The following CYP27C1 variants were observed in gnomAD, a reference collection of about 807,000 sequenced individuals.
CYP27C1 encodes cytochrome P450 family 27 subfamily C member 1.
CYP27C1 carries 29 observed loss-of-function variants against 40.6 expected under a neutral mutation model. The observed-to-expected ratio is 0.71, with a 90% confidence interval of 0.53 to 0.97. The LOEUF (loss-of-function observed/expected upper bound fraction) is 0.97. Among genes scored for constraint, CYP27C1 ranks in the 50% least tolerant of loss-of-function variants. CYP27C1 has a pLI of 0.00. For synonymous variants in CYP27C1, 198 were observed against 186.8 expected, an observed-to-expected ratio of 1.06 and a Z score of -0.49; for missense variants, 390 against 485.8, an observed-to-expected ratio of 0.80 and a Z score of 1.85.
chr2:127,192,325 C>T (rs567716321), intron 8 of CYP27C1, among the ~76,000 whole-genome samples: 11 of 152,296 alleles, frequency 7.2e-5, no homozygotes, highest in South Asian at 2.1e-4. Flanking sequence ...CAAGGTTTCC[C>T]GTCGCTGAAA....
At chr2:127,202,745 T>TC (rs2104688062) in intron 3 of CYP27C1, among the ~76,000 whole-genome samples, 1 of 141,906 alleles carries the variant, frequency 7.0e-6, no homozygotes, top group South Asian at 2.1e-4. Flanking sequence ...AACAAAATGT[T>TC]TTTTTTTTTT....
Position 127,203,437 on chromosome 2 carries a change from C to T in CYP27C1, c.608G>A (p.Ser203Asn). 6.2e-7 allele frequency: 1 copy of T among 1,614,000 alleles called. No individual in the cohort carries two copies. The highest frequency in any genetic ancestry group is 8.5e-7 in the Non-Finnish European group (1 of 1,180,018). Residue 203 changes from serine (S) to asparagine (N), a missense_variant, in exon 3 of 9, where the codon AGC (serine) becomes AAC (asparagine). By Grantham distance (46) the Ser-to-Asn change is conservative (BLOSUM62 1). Coordinates refer to ENST00000664447, the MANE Select transcript of CYP27C1 (RefSeq NM_001367502.1). ...CACGGTTTCTCCATCTTCTGCCTGG[C>T]TCCTGAGGAGGTAGATTCTTTTAAT... is the stretch of plus-strand genomic sequence containing the variant. Reference protein sequence around the residue: ...DLIKRIYLLRSQAEDGETVTN... With the variant: ...DLIKRIYLLRNQAEDGETVTN...
At position 127,193,305 on chromosome 2, in the gene CYP27C1, A is replaced by T. The variant is rs772549986; in HGVS notation, c.1294-8T>A. 1 of 1,614,118 alleles carries T rather than the reference A, an allele frequency of 6.2e-7. No homozygotes were observed. ...GCAAAGGGCCAGCTGGGTCTGAGGA[A>T]ATCAGGGATGACAGAAAAGGGAAAA... On this transcript the variant is annotated splice_polypyrimidine_tract_variant and splice_region_variant and intron_variant, in intron 7 of 8. Transcript: ENST00000664447.
intron 8 of CYP27C1, among the ~76,000 whole-genome samples, chr2:127,189,839 A>G (rs1682724607): frequency 6.6e-6 from 1 of 152,192 alleles, no homozygotes. Context: ...TCCGTTTTAT[A>G]CATTCAGCCT....
intron 1 of CYP27C1, among the ~76,000 whole-genome samples, chr2:127,211,414 G>T (rs1181345937): frequency 1.6e-5 from 2 of 125,148 alleles, no homozygotes; most frequent in Admixed American, 1.9e-4. Flanking sequence ...ATGGAGTCTC[G>T]CTCTTTCACC....
Position 127,218,651 on chromosome 2 carries a change from T to C in CYP27C1, c.282+1338A>G, listed in dbSNP as rs1683489349. On this transcript the variant is annotated intron_variant, in intron 1 of 8. Transcript: ENST00000664447. The surrounding 1 kb of genome is among the most constrained non-coding windows in gnomAD (Gnocchi z 6.0). ...TCACGTTCATTGACTGAATGGCTGA[T>C]GGAACGAATGAATGACTGAAGCCCA... Among the ~76,000 whole-genome samples, 1 of 152,114 alleles carries C rather than the reference T, an allele frequency of 6.6e-6. No individual in the cohort carries two copies. The highest frequency in any genetic ancestry group is 6.6e-5 in the Admixed American group (1 of 15,258).
intron 5 of CYP27C1, 58 bp downstream of exon 5, chr2:127,199,318 G>A (rs576557952): frequency 5.5e-5 from 87 of 1,586,338 alleles, no homozygotes; most frequent in Non-Finnish European, 7.1e-5. Context: ...ACGTCCATGA[G>A]GTGATGAGGA....
chr2:127,195,073 G>A lies in CYP27C1; in HGVS notation c.1214+262C>T, dbSNP rs1200595747. ...TTGAACTCCTGACCTCAGGTAATCT[G>A]CCTTGGCCTCCCAAAGTGCTGGGAT... On this transcript the variant is annotated intron_variant, in intron 6 of 8. Transcript: ENST00000664447. This position sits in a 1 kb window ranked among gnomAD's most constrained non-coding sequence, Gnocchi z 6.2. 1.3e-5 allele frequency among the ~76,000 whole-genome samples: 2 copies of A among 152,074 alleles called. No individual in the cohort carries two copies. The highest frequency in any genetic ancestry group is 2.9e-5 in the Non-Finnish European group (2 of 68,010).
Position 127,218,068 on chromosome 2 carries a change from T to TA in CYP27C1, c.282+1920_282+1921insT, listed in dbSNP as rs1305208245. 6.6e-6 allele frequency among the ~76,000 whole-genome samples: 1 copy of TA among 152,188 alleles called. No homozygotes were observed. Among genetic ancestry groups the TA allele is most frequent in the African/African-American group, 2.4e-5 (1 of 41,444 alleles). On this transcript the variant is annotated intron_variant, in intron 1 of 8. Coordinates refer to ENST00000664447, the MANE Select transcript of CYP27C1 (RefSeq NM_001367502.1). The surrounding 1 kb of genome is among the most constrained non-coding windows in gnomAD (Gnocchi z 6.0). ...AGCAAGTGAGTCAGTTGTGACTCTC[T>TA]GCTCCGTGCCCCAGGGCCCTGGGTG...
intron 5 of CYP27C1, among the ~76,000 whole-genome samples, chr2:127,198,769 C>T (rs748819774): frequency 1.3e-5 from 2 of 152,152 alleles, no homozygotes; most frequent in African/African-American, 2.4e-5. Context: ...TAGGCTCTAC[C>T]GTGCAGCCTA....
chr2:127,195,582 C>T lies in CYP27C1; in HGVS notation c.1048-81G>A, dbSNP rs77968801. ...ACAGAGGCGGTGGCAGGTAGGAAGT[C>T]CCCTGGGAATACACACAGCACAAAG... is the stretch of plus-strand genomic sequence containing the variant. On this transcript the variant is annotated intron_variant, in intron 5 of 8. Coordinates refer to ENST00000664447, the MANE Select transcript of CYP27C1 (RefSeq NM_001367502.1). The surrounding 1 kb of genome is among the most constrained non-coding windows in gnomAD (Gnocchi z 6.2). The T allele has an allele frequency of 9.3e-3, 13,413 of 1,448,572 alleles. 556 individuals carry two copies. In the African/African-American group the frequency reaches 0.12, roughly 13 times the overall value. 89.7% of individuals were successfully genotyped at this position (1,448,572 alleles called of 1,614,324 possible).
At chr2:127,214,984 C>T (rs1162862004) in intron 1 of CYP27C1, among the ~76,000 whole-genome samples, 2 of 151,634 alleles carry the variant, frequency 1.3e-5, no homozygotes, top group Non-Finnish European at 2.9e-5. Context: ...AAAAAATTAG[C>T]CAGGCATGGT....
rs187266474 is a variant in CYP27C1 at position 127,202,995 on chromosome 2, T to C, written c.673+377A>G. Among the ~76,000 whole-genome samples, 1,002 of 152,108 alleles carry C rather than the reference T, an allele frequency of 6.6e-3. 12 individuals are homozygous for C. Among genetic ancestry groups the C allele is most frequent in the African/African-American group, 0.023 (941 of 41,504 alleles). On this transcript the variant is annotated intron_variant, in intron 3 of 8. Transcript: ENST00000664447. ...CAGCCTTGCCAACATGGTGAAACAC[T>C]GTCTCTACTAAAAATACAAAAAATT...
chr2:127,204,108 T>C (rs999143172), intron 2 of CYP27C1, among the ~76,000 whole-genome samples: 8 of 150,368 alleles, frequency 5.3e-5, no homozygotes, highest in Non-Finnish European at 3.0e-5. Flanking sequence ...CTACCAAAAA[T>C]AGAAAAATTT....
chr2:127,192,619 C>G (rs1249566760), intron 8 of CYP27C1, among the ~76,000 whole-genome samples: 1 of 149,650 alleles, frequency 6.7e-6, no homozygotes, highest in Admixed American at 6.6e-5. Context: ...GTGCCTTTCC[C>G]GGGGGGGGGG....
chr2:127,201,220 G>A lies in CYP27C1; in HGVS notation c.785C>T (p.Thr262Ile). 6.2e-7 allele frequency: 1 copy of A among 1,613,780 alleles called. No individual in the cohort carries two copies. The highest frequency in any genetic ancestry group is 8.5e-7 in the Non-Finnish European group (1 of 1,179,878). The change falls in exon 4 of 9, where the codon ACC (threonine) becomes ATC (isoleucine). Residue 262 changes from threonine to isoleucine, a missense_variant. Thr to Ile is a moderately conservative substitution (Grantham distance 89). Transcript: ENST00000664447. This position sits in a 1 kb window ranked among gnomAD's most constrained non-coding sequence, Gnocchi z 6.0. Reference protein sequence around the residue: ...ALELMFSMFKTSMYAGAIPRW... With the variant: ...ALELMFSMFKISMYAGAIPRW... ...GGGGATGGCGCCTGCATACATGGAG[G>A]TCTTGAACATGCTAAACATGAGCTC...
chr2:127,202,813 G>T (rs1683067562), intron 3 of CYP27C1, among the ~76,000 whole-genome samples: 1 of 150,986 alleles, frequency 6.6e-6, no homozygotes, highest in Non-Finnish European at 1.5e-5. Flanking sequence ...ACCTGAATTT[G>T]AAACTAACTT....
chr2:127,203,913 A>AAT (rs967720317), intron 2 of CYP27C1, among the ~76,000 whole-genome samples: 91 of 151,080 alleles, frequency 6.0e-4, no homozygotes, highest in South Asian at 2.9e-3. Flanking sequence ...GCAAAAGAAA[A>AAT]ATATATATAT....
intron 1 of CYP27C1, among the ~76,000 whole-genome samples, chr2:127,212,130 C>T (rs1683351036): frequency 6.6e-6 from 1 of 152,032 alleles, no homozygotes; most frequent in Non-Finnish European, 1.5e-5. Flanking sequence ...AGAAATTTAA[C>T]CCCTGAATAG....
Sources: gnomAD v4.1 joint callset for allele counts (sites outside exome capture counted in the v4.1 genomes callset) on GRCh38, gnomAD v4.1.1 for gene constraint, Gnocchi (gnomAD v3.1) non-coding constraint, MANE v1.5 for transcripts, NCBI Gene and HGNC (gene_info 2026-07-23, HGNC 2026-07-21) for gene names.